ACSF3: variants seen among roughly 807,000 people sequenced by gnomAD.
The protein encoded by ACSF3 is acyl-CoA synthetase family member 3.
ACSF3 carries 78 observed loss-of-function variants against 53.2 expected under a neutral mutation model. The ratio of observed to expected loss-of-function variants is 1.47; its 90% CI spans 1.22 to 1.77. ACSF3 has a LOEUF of 1.77. Among genes scored for constraint, ACSF3 ranks in the 40% most tolerant of loss-of-function variants. The pLI, the probability that ACSF3 is intolerant of heterozygous loss-of-function variation, is 0.00. For missense variants in ACSF3, 937 were observed against 771.1 expected (o/e 1.22, Z -2.55); for synonymous variants, 414 against 333.1 (o/e 1.24, Z -2.65).
intron 6 of ACSF3, among the ~76,000 whole-genome samples, chr16:89,116,896 G>A (rs1371347291): frequency 6.6e-6 from 1 of 152,198 alleles, no homozygotes; most frequent in South Asian, 2.1e-4. Context: ...TGTTTCTTCG[G>A]TGGCTAAAGC....
chr16:89,136,166 G>A (rs186379337), intron 8 of ACSF3, among the ~76,000 whole-genome samples: 8 of 152,360 alleles, frequency 5.3e-5, no homozygotes, highest in East Asian at 3.9e-4. Context: ...TGCGAGTCGC[G>A]GGGCTCCCGG....
At chr16:89,145,158 CAGAG>C (rs1912655598) in intron 8 of ACSF3, 105 bp from the exon 9 acceptor site, 1 of 1,611,746 alleles carries the variant, frequency 6.2e-7, no homozygotes, top group Non-Finnish European at 8.5e-7. Flanking sequence ...CCCCTTTCCT[CAGAG>C]GACACCGTGG....
At chr16:89,126,706 G>C (rs1330477390) in intron 7 of ACSF3, among the ~76,000 whole-genome samples, 4 of 152,212 alleles carry the variant, frequency 2.6e-5, no homozygotes, top group African/African-American at 9.6e-5. Context: ...GATTTTAATA[G>C]ACTTCTTGGG....
chr16:89,147,719 C>G (rs1203246148), intron 10 of ACSF3: 1 of 152,200 alleles, frequency 6.6e-6, no homozygotes, highest in African/African-American at 2.4e-5. Context: ...CAGCGGGGAT[C>G]ACAATTCAAC....
At chr16:89,095,541 G>A (rs1055590107) in intron 1 of ACSF3, among the ~76,000 whole-genome samples, 15 of 146,940 alleles carry the variant, frequency 1.0e-4, no homozygotes, top group African/African-American at 3.3e-4. Flanking sequence ...TCTGCCCCAC[G>A]CTCTCATCGG....
At chr16:89,134,458 G>A (rs1480730682) in intron 8 of ACSF3, among the ~76,000 whole-genome samples, 5 of 152,314 alleles carry the variant, frequency 3.3e-5, no homozygotes, top group African/African-American at 9.6e-5. Flanking sequence ...GACACCCTGC[G>A]GGATCCGGAG....
intron 8 of ACSF3, chr16:89,141,028 A>C (rs1416758262): frequency 1.6e-6 from 2 of 1,242,418 alleles, no homozygotes; most frequent in Admixed American, 5.1e-5. Context: ...TGTTATGGAA[A>C]GTAAAGGTTA....
intron 7 of ACSF3, among the ~76,000 whole-genome samples, chr16:89,124,075 ATG>A (rs1907355812): frequency 2.8e-4 from 1 of 3,626 alleles, no homozygotes; most frequent in Non-Finnish European, 1.1e-3. Context: ...TATCACACAC[ATG>A]CCTAGTGTGC....
At chr16:89,101,681 G>A (rs1199004755) in intron 3 of ACSF3, among the ~76,000 whole-genome samples, 1 of 152,238 alleles carries the variant, frequency 6.6e-6, no homozygotes, top group Non-Finnish European at 1.5e-5. Context: ...GTGTTAGGAT[G>A]CGTGGTCAGG....
At chr16:89,147,116 G>T in intron 10 of ACSF3, among the ~76,000 whole-genome samples, 1 of 150,094 alleles carries the variant, frequency 6.7e-6, no homozygotes, top group Non-Finnish European at 1.5e-5. Context: ...ATCCTACATG[G>T]CCGGAGCAGG....
chr16:89,102,429 T>C, intron 3 of ACSF3, 175 bp from the exon 4 acceptor site: 2 of 709,576 alleles, frequency 2.8e-6, no homozygotes, highest in Non-Finnish European at 4.9e-6. Context: ...AGATCTGCTG[T>C]GGTTTTGTCG....
At chr16:89,142,877 CAT>C (rs1912134435) in intron 8 of ACSF3, among the ~76,000 whole-genome samples, 1 of 152,226 alleles carries the variant, frequency 6.6e-6, no homozygotes, top group Non-Finnish European at 1.5e-5. Flanking sequence ...TCTAATCAGC[CAT>C]TGATGGGCCT....
intron 10 of ACSF3, chr16:89,151,308 C>T: frequency 2.4e-6 from 1 of 421,628 alleles, no homozygotes; most frequent in Non-Finnish European, 4.8e-6. Flanking sequence ...GATAAATTAT[C>T]TCAAACATTG....
At chr16:89,146,716 A>AT (rs1913032047) in intron 10 of ACSF3, among the ~76,000 whole-genome samples, 2 of 152,188 alleles carry the variant, frequency 1.3e-5, no homozygotes, top group South Asian at 4.2e-4. Flanking sequence ...ACTCACCTGC[A>AT]TTTTTTGTTT....
Position 89,154,119 on chromosome 16 carries a change from C to G in ACSF3, c.1643C>G (p.Ser548Trp). Reference sequence around the variant, plus strand: ...GTCCTGGCCCCGTACGCGGTGCCCTCGGAGCTGGTGCTGGTGGAGGAGATC... The same window carrying G: ...GTCCTGGCCCCGTACGCGGTGCCCTGGGAGCTGGTGCTGGTGGAGGAGATC... ...RNVLAPYAVP[S>W]ELVLVEEIPR... Residue 548 changes from serine (S) to tryptophan (W), a missense_variant, in exon 11 of 11, where the codon TCG becomes TGG. By Grantham distance (177) the Ser-to-Trp change is radical. Coordinates refer to ENST00000614302, the MANE Select transcript of ACSF3 (RefSeq NM_001243279.3). The G allele has an allele frequency of 2.5e-6, 4 of 1,613,262 alleles. No homozygotes were observed. The highest frequency in any genetic ancestry group is 3.4e-6 in the Non-Finnish European group (4 of 1,179,698).
chr16:89,133,896 C>T (rs917866773), intron 8 of ACSF3, among the ~76,000 whole-genome samples: 4 of 152,216 alleles, frequency 2.6e-5, no homozygotes, highest in African/African-American at 9.6e-5. Context: ...GAGACGGCGG[C>T]GCCCCTGGAG....
At chr16:89,103,874 G>A (rs771151388) in intron 4 of ACSF3, among the ~76,000 whole-genome samples, 2 of 152,202 alleles carry the variant, frequency 1.3e-5, no homozygotes, top group African/African-American at 2.4e-5. Flanking sequence ...AGCAGTCATC[G>A]CCGAGCTGCT....
At chr16:89,120,599 T>A (rs1235332387) in intron 6 of ACSF3, among the ~76,000 whole-genome samples, 1 of 152,240 alleles carries the variant, frequency 6.6e-6, no homozygotes, top group Non-Finnish European at 1.5e-5. Context: ...CACACCGTGC[T>A]TGCCAGCCAC....
At chr16:89,136,174 C>T (rs952581414) in intron 8 of ACSF3, among the ~76,000 whole-genome samples, 8 of 152,204 alleles carry the variant, frequency 5.3e-5, no homozygotes, top group Admixed American at 2.6e-4. Flanking sequence ...GCGGGGCTCC[C>T]GGAGCCGCTG....
Sources: gnomAD v4.1 joint callset for allele counts (sites outside exome capture counted in the v4.1 genomes callset) on GRCh38, gnomAD v4.1.1 for gene constraint, MANE v1.5 for transcripts, NCBI Gene and HGNC (gene_info 2026-07-23, HGNC 2026-07-21) for gene names.